The following FMO5 variants were observed in gnomAD, a reference collection of about 807,000 sequenced individuals.
FMO5 encodes flavin-containing monooxygenase 5.
FMO5 carries 51 observed loss-of-function variants against 43.6 expected under a neutral mutation model. The observed-to-expected ratio is 1.17, with a 90% CI of 0.93 to 1.48. The LOEUF (loss-of-function observed/expected upper bound fraction) is 1.48. FMO5 is among the 40% of genes most tolerant of loss of function. The probability of loss-of-function intolerance (pLI) is 0.00; values close to 1 mark genes in which losing one functional copy is unlikely to be tolerated. For synonymous variants in FMO5, 187 were observed against 216.5 expected (o/e 0.86, Z 1.20); for missense variants, 644 against 643.0 (o/e 1.00, Z -0.02).
At chr1:147,206,275 T>G (rs1660030608) in intron 6 of FMO5, among the ~76,000 whole-genome samples, 1 of 151,870 alleles carries the variant, frequency 6.6e-6, no homozygotes, top group African/African-American at 2.4e-5. Context: ...CAACAGGTGC[T>G]GGAGAGGATG....
intron 7 of FMO5, among the ~76,000 whole-genome samples, chr1:147,197,733 A>T (rs1212224391): frequency 6.6e-6 from 1 of 152,106 alleles, no homozygotes; most frequent in Non-Finnish European, 1.5e-5. Context: ...TCCTTTAGAA[A>T]CTACTCAGCC....
At chr1:147,193,486 T>G (rs1466735695) in intron 7 of FMO5, among the ~76,000 whole-genome samples, 79 of 152,208 alleles carry the variant, frequency 5.2e-4, no homozygotes, top group Non-Finnish European at 9.7e-4. Context: ...TTTTGAAGGG[T>G]TTTTTGTGAC....
chr1:147,214,495 T>A (rs975049706), intron 3 of FMO5, among the ~76,000 whole-genome samples: 1 of 150,604 alleles, frequency 6.6e-6, no homozygotes, highest in Non-Finnish European at 1.5e-5. Context: ...AAACCACCCC[T>A]GCATGCACTA....
At chr1:147,225,188 G>T (rs782091500) in intron 1 of FMO5, 99 bp downstream of exon 1, 127 of 1,462,842 alleles carry the variant, frequency 8.7e-5, no homozygotes, top group Non-Finnish European at 1.1e-4. Context: ...CAGATTCGAC[G>T]GTCCTCTTCA....
At chr1:147,192,490 G>A (rs587677229) in intron 7 of FMO5, among the ~76,000 whole-genome samples, 5 of 152,064 alleles carry the variant, frequency 3.3e-5, no homozygotes, top group Non-Finnish European at 2.9e-5. Context: ...TTTCCTAATC[G>A]AATACCCTTT....
intron 6 of FMO5, chr1:147,203,738 A>T (rs587628943): frequency 6.5e-7 from 1 of 1,536,278 alleles, no homozygotes; most frequent in South Asian, 1.1e-5. Context: ...AAGAACTTTG[A>T]AAGTATTAAC....
chr1:147,190,233 G>T lies in FMO5; in HGVS notation c.1200C>A (p.Pro400=). 1 of 1,609,800 alleles carries T rather than the reference G, an allele frequency of 6.2e-7. No homozygotes were observed. Among genetic ancestry groups the T allele is most frequent in the South Asian group, 1.1e-5 (1 of 90,690 alleles). The change falls in exon 8 of 9, where the codon CCC becomes CCA. Residue 400 remains proline, a synonymous_variant. Coordinates refer to ENST00000254090, the MANE Select transcript of FMO5 (RefSeq NM_001461.4). ...TTTCTGCCATCATTTCACTCTGTGA[G>T]GGCAATGTCTTTAGACCTAAAAACA... ...TQVFKGLKTL[P]SQSEMMAEIS... is the part of the protein sequence containing the mutation.
rs1013597758 is a variant in FMO5 at position 147,186,367 on chromosome 1, G to C, written c.*533C>G. ...TAGTGAATAGCAAGTGAAACAAAAT[G>C]TCTTAAGCATCTATATGTCTTATCT... is the stretch of plus-strand genomic sequence containing the variant. On this transcript the variant is annotated 3_prime_UTR_variant, in exon 9 of 9. Transcript: ENST00000254090. 1 of 940,132 alleles carries C rather than the reference G, an allele frequency of 1.1e-6. No individual in the cohort carries two copies. Among genetic ancestry groups the C allele is most frequent in the Non-Finnish European group, 1.3e-6 (1 of 789,122 alleles). The allele number at this position is 940,132 out of a possible 1,614,324, so 58.2% of individuals were successfully genotyped here.
rs1369366574 is a variant in FMO5 at position 147,205,047 on chromosome 1, A to G, written c.831-3543T>C. On this transcript the variant is annotated intron_variant, in intron 6 of 8. Coordinates refer to ENST00000254090, the MANE Select transcript of FMO5 (RefSeq NM_001461.4). ...TCAGTCACTCTTCCATCTTTGCTATATAGTCCAGCCATACCAGACTACATG... is the reference window on the plus strand; with the variant it reads ...TCAGTCACTCTTCCATCTTTGCTATGTAGTCCAGCCATACCAGACTACATG... 2.1e-5 allele frequency: 14 copies of G among 674,908 alleles called. No homozygotes were observed. The African/African-American group carries it at 2.3e-4, about 11-fold the overall frequency. The allele number at this position is 674,908 out of a possible 1,614,324, so 41.8% of individuals were successfully genotyped here. A position where few individuals can be genotyped will look rare whatever the true frequency, so the allele number is the denominator to read the frequency against.
intron 2 of FMO5, among the ~76,000 whole-genome samples, chr1:147,217,509 A>G (rs1180951711): frequency 1.3e-5 from 2 of 152,240 alleles, no homozygotes; most frequent in African/African-American, 4.8e-5. Context: ...AAATAGCCAC[A>G]AAGGAGAGTG....
At chr1:147,217,341 G>A (rs782424316) in intron 2 of FMO5, among the ~76,000 whole-genome samples, 1 of 151,994 alleles carries the variant, frequency 6.6e-6, no homozygotes, top group Non-Finnish European at 1.5e-5. Context: ...AATCTACCCA[G>A]CCTGTCACCG....
intron 8 of FMO5, 47 bp from the exon 9 acceptor site, chr1:147,187,292 G>T: frequency 7.1e-7 from 1 of 1,418,174 alleles, no homozygotes; most frequent in Non-Finnish European, 9.6e-7. Flanking sequence ...AATTCAATCA[G>T]TCAGTCAATC....
intron 8 of FMO5, among the ~76,000 whole-genome samples, chr1:147,189,737 C>T (rs1158783609): frequency 6.6e-6 from 1 of 152,158 alleles, no homozygotes; most frequent in Non-Finnish European, 1.5e-5. Context: ...TGTGCTGTCA[C>T]ATGAGCATTG....
downstream of FMO5, among the ~76,000 whole-genome samples, chr1:147,185,591 A>C (rs782584839): frequency 3.9e-5 from 6 of 152,208 alleles, 1 homozygote; most frequent in Middle Eastern, 3.2e-3. Flanking sequence ...TGTAGTTCTC[A>C]CATTTCCAGT....
chr1:147,198,428 C>A (rs1311264217), intron 7 of FMO5, among the ~76,000 whole-genome samples: 1 of 152,032 alleles, frequency 6.6e-6, no homozygotes, highest in Non-Finnish European at 1.5e-5. Flanking sequence ...AAAAGGAGGG[C>A]ATATCAAGAA....
At chr1:147,187,269 ATGGCC>A in intron 8 of FMO5, 24 bp from the exon 9 acceptor site, 2 of 1,526,486 alleles carry the variant, frequency 1.3e-6, no homozygotes, top group South Asian at 2.5e-5. Context: ...GACAGAAACC[ATGGCC>A]TGTCAATAAT....
intron 6 of FMO5, among the ~76,000 whole-genome samples, chr1:147,202,163 C>T (rs17355858): frequency 0.037 from 5,610 of 152,110 alleles, 146 homozygotes; most frequent in South Asian, 0.095. Context: ...TGGTATACTT[C>T]GGGCTTGTTA....
At chr1:147,209,437 C>CAAA (rs34426233) in intron 5 of FMO5, among the ~76,000 whole-genome samples, 71,359 of 109,508 alleles carry the variant, frequency 0.65, 24,228 homozygotes, top group Non-Finnish European at 0.69. Flanking sequence ...GACTCCGTCT[C>CAAA]AAAAAAAAAA....
chr1:147,197,227 C>T (rs1269075285), intron 7 of FMO5, among the ~76,000 whole-genome samples: 1 of 152,106 alleles, frequency 6.6e-6, no homozygotes, highest in Non-Finnish European at 1.5e-5. Context: ...GTGATTATTT[C>T]CCCTCTATGG....
Sources: gnomAD v4.1 joint callset for allele counts (sites outside exome capture counted in the v4.1 genomes callset) on GRCh38, gnomAD v4.1.1 for gene constraint, MANE v1.5 for transcripts, NCBI Gene and HGNC (gene_info 2026-07-23, HGNC 2026-07-21) for gene names.